Variants in OR51M1 observed in about 807,000 individuals in gnomAD.
OR51M1 encodes the protein olfactory receptor 51M1.
For missense variants in OR51M1, 509 were observed against 404.4 expected (o/e 1.26, Z -2.22); for synonymous variants, 199 against 155.1 (o/e 1.28, Z -2.10).
rs1176266529 is a variant in OR51M1 at position 5,392,465 on chromosome 11, T to A, written c.*2086T>A. ...ACTGAAGTCCCATTTTGCCTCTTAT[T>A]AACAAATAGACCACTGACATCTAAA... On this transcript the variant is annotated 3_prime_UTR_variant, in exon 3 of 3. Coordinates refer to ENST00000642046, the MANE Select transcript of OR51M1 (RefSeq NM_001004756.3). 6.6e-6 allele frequency: 1 copy of A among 152,230 alleles called. No homozygotes were observed. Among genetic ancestry groups the A allele is most frequent in the African/African-American group, 2.4e-5 (1 of 41,460 alleles). 9.4% of individuals were successfully genotyped at this position (152,230 alleles called of 1,614,324 possible). A position where few individuals can be genotyped will look rare whatever the true frequency, so the allele number is the denominator to read the frequency against.
chr11:5,390,117 T>C lies in OR51M1; in HGVS notation c.719T>C (p.Leu240Pro). Reference sequence around the variant, plus strand: ...CTCATCCTGCACACAGTAGCAGGCCTGGCCTCCCAAGAGGAGCAGCGCCGT... The same window carrying C: ...CTCATCCTGCACACAGTAGCAGGCCCGGCCTCCCAAGAGGAGCAGCGCCGT... Reference protein sequence around the residue: ...YGLILHTVAGLASQEEQRRAF... With the variant: ...YGLILHTVAGPASQEEQRRAF... Residue 240 changes from leucine to proline, a missense_variant, in exon 3 of 3, where the codon CTG becomes CCG. Leu to Pro is a moderately conservative substitution (Grantham distance 98). Coordinates refer to ENST00000642046, the MANE Select transcript of OR51M1 (RefSeq NM_001004756.3). 1 of 1,613,874 alleles carries C rather than the reference T, an allele frequency of 6.2e-7. No homozygotes were observed. Among genetic ancestry groups the C allele is most frequent in the Admixed American group, 1.7e-5 (1 of 60,026 alleles).
Position 5,391,194 on chromosome 11 carries a change from T to C in OR51M1, c.*815T>C, listed in dbSNP as rs1390554070. Reference sequence around the variant, plus strand: ...CCATTGCTCAGGAGGAAATAAACTTTACATTGGCTGATCAGCCTGTCCCTA... The same window carrying C: ...CCATTGCTCAGGAGGAAATAAACTTCACATTGGCTGATCAGCCTGTCCCTA... On this transcript the variant is annotated 3_prime_UTR_variant, in exon 3 of 3. Coordinates refer to ENST00000642046, the MANE Select transcript of OR51M1 (RefSeq NM_001004756.3). The C allele has an allele frequency of 1.3e-5, 2 of 152,250 alleles. No homozygotes were observed. The highest frequency in any genetic ancestry group is 2.9e-5 in the Non-Finnish European group (2 of 68,042). The allele number at this position is 152,250 out of a possible 1,614,324, so 9.4% of individuals were successfully genotyped here. A position where few individuals can be genotyped will look rare whatever the true frequency, so the allele number is the denominator to read the frequency against.
intron 2 of OR51M1, among the ~76,000 whole-genome samples, chr11:5,388,844 G>C (rs1207322285): frequency 6.6e-6 from 1 of 151,950 alleles, no homozygotes; most frequent in Non-Finnish European, 1.5e-5. Flanking sequence ...CAGACTTGAG[G>C]TATTCAGTAA....
intron 2 of OR51M1, among the ~76,000 whole-genome samples, chr11:5,387,376 TG>T (rs1372186302): frequency 6.6e-6 from 1 of 152,144 alleles, no homozygotes; most frequent in African/African-American, 2.4e-5. Context: ...TTTAGCTAAG[TG>T]GGTTTTAAAA....
At chr11:5,389,157 G>T (rs1464184628) in intron 2 of OR51M1, among the ~76,000 whole-genome samples, 1 of 152,122 alleles carries the variant, frequency 6.6e-6, no homozygotes, top group Non-Finnish European at 1.5e-5. Flanking sequence ...GAGCAATAAA[G>T]GCACACCAGC....
Position 5,390,005 on chromosome 11 carries a change from G to C in OR51M1, c.607G>C (p.Asp203His). ...GGAAGTGATACAGCTGGCCTGCACA[G>C]ATATCACCTTCAATAATCTGTATGG... ...HQEVIQLACT[D>H]ITFNNLYGLM... is the part of the protein sequence containing the mutation. Residue 203 changes from aspartate to histidine, a missense_variant, in exon 3 of 3, where the codon GAT (aspartate) becomes CAT (histidine). Coordinates refer to ENST00000642046, the MANE Select transcript of OR51M1 (RefSeq NM_001004756.3). 1 of 1,613,258 alleles carries C rather than the reference G, an allele frequency of 6.2e-7. No homozygotes were observed. Among genetic ancestry groups the C allele is most frequent in the Non-Finnish European group, 8.5e-7 (1 of 1,179,898 alleles).
At position 5,389,690 on chromosome 11, in the gene OR51M1, T is replaced by A; in HGVS notation, c.292T>A (p.Trp98Arg). 3 of 1,613,756 alleles carry A rather than the reference T, an allele frequency of 1.9e-6. No homozygotes were observed. Among genetic ancestry groups the A allele is most frequent in the Non-Finnish European group, 1.7e-6 (2 of 1,179,864 alleles). The change falls in exon 3 of 3, where the codon TGG becomes AGG. Residue 98 changes from tryptophan to arginine, a missense_variant. By Grantham distance (101) the Trp-to-Arg change is moderately radical. Coordinates refer to ENST00000642046, the MANE Select transcript of OR51M1 (RefSeq NM_001004756.3). ...GTTGCCCACCACTATGGGGATCTTC[T>A]GGTTTAACTCCCATAGTATCTACTT... ...STLPTTMGIF[W>R]FNSHSIYFGA... is the part of the protein sequence containing the mutation.
At chr11:5,384,541 C>T (rs1231531794) in intron 1 of OR51M1, among the ~76,000 whole-genome samples, 1 of 152,190 alleles carries the variant, frequency 6.6e-6, no homozygotes, top group Non-Finnish European at 1.5e-5. Flanking sequence ...CCTCACTCCC[C>T]TGATGAGTGC....
Position 5,389,720 on chromosome 11 carries a change from G to A in OR51M1, c.322G>A (p.Ala108Thr), listed in dbSNP as rs1424687554. 1 of 1,613,872 alleles carries A rather than the reference G, an allele frequency of 6.2e-7. No homozygotes were observed. The change falls in exon 3 of 3, where the codon GCG becomes ACG. Residue 108 changes from alanine (A) to threonine (T), a missense_variant. By Grantham distance (58) the Ala-to-Thr change is moderately conservative. Coordinates refer to ENST00000642046, the MANE Select transcript of OR51M1 (RefSeq NM_001004756.3). Reference protein sequence around the residue: ...WFNSHSIYFGACQIQMFCIHS... With the variant: ...WFNSHSIYFGTCQIQMFCIHS... ...TAACTCCCATAGTATCTACTTTGGA[G>A]CGTGTCAAATCCAGATGTTCTGCAT...
rs958813162 is a variant in OR51M1 at position 5,388,579 on chromosome 11, G to T, written c.-15-805G>T. On this transcript the variant is annotated intron_variant, in intron 2 of 2. Coordinates refer to ENST00000642046, the MANE Select transcript of OR51M1 (RefSeq NM_001004756.3). The stretch of plus-strand genomic sequence containing the variant: ...CTAGATAAACTGGAAGAATTGTTTA[G>T]TGTCATTAACACCGTGAATATACAG... Among the ~76,000 whole-genome samples, 7 of 148,732 alleles carry T rather than the reference G, an allele frequency of 4.7e-5. No homozygotes were observed. The Admixed American group carries it at 4.8e-4, about 10-fold the overall frequency.
At chr11:5,384,437 G>A (rs998178571) in intron 1 of OR51M1, among the ~76,000 whole-genome samples, 2 of 152,178 alleles carry the variant, frequency 1.3e-5, no homozygotes, top group African/African-American at 2.4e-5. Flanking sequence ...CAGAACCAGA[G>A]CCAGAGAAAG....
At position 5,390,756 on chromosome 11, in the gene OR51M1, C is replaced by T. The variant is rs1407004596; in HGVS notation, c.*377C>T. On this transcript the variant is annotated 3_prime_UTR_variant, in exon 3 of 3. Coordinates refer to ENST00000642046, the MANE Select transcript of OR51M1 (RefSeq NM_001004756.3). ...CAGGTAAATGCCATTTGCTCTAACT[C>T]ACCTCCGGAAATACACCTCCTTCCA... is the stretch of plus-strand genomic sequence containing the variant. The T allele has an allele frequency of 1.2e-5, 2 of 171,546 alleles. No homozygotes were observed. Among genetic ancestry groups the T allele is most frequent in the African/African-American group, 2.4e-5 (1 of 41,974 alleles). 10.6% of individuals were successfully genotyped at this position (171,546 alleles called of 1,614,324 possible). A position where few individuals can be genotyped will look rare whatever the true frequency, so the allele number is the denominator to read the frequency against.
chr11:5,391,257 T>C lies in OR51M1; in HGVS notation c.*878T>C, dbSNP rs1274851265. On this transcript the variant is annotated 3_prime_UTR_variant, in exon 3 of 3. Transcript: ENST00000642046. ...TGCAATCCTTGCAGGGGTCTCAGCT[T>C]TGAAATTGCTTCCTCAAGGACATTT... The C allele has an allele frequency of 6.6e-6, 1 of 152,218 alleles. No individual in the cohort carries two copies. Among genetic ancestry groups the C allele is most frequent in the Non-Finnish European group, 1.5e-5 (1 of 68,032 alleles). 9.4% of individuals were successfully genotyped at this position (152,218 alleles called of 1,614,324 possible).
At chr11:5,387,759 T>C (rs1374804035) in intron 2 of OR51M1, among the ~76,000 whole-genome samples, 1 of 152,056 alleles carries the variant, frequency 6.6e-6, no homozygotes, top group Non-Finnish European at 1.5e-5. Context: ...AGCCACACAC[T>C]TGCCCTCTGA....
At chr11:5,385,741 G>A (rs956516523) in intron 2 of OR51M1, among the ~76,000 whole-genome samples, 8 of 140,544 alleles carry the variant, frequency 5.7e-5, no homozygotes, top group African/African-American at 2.1e-4. Context: ...TAATATTTTT[G>A]TATATTTGTT....
In OR51M1 at chr11:5,391,743, G is replaced by A. The variant is rs1421018467; in HGVS notation, c.*1364G>A. ...TTCTCCTACAGGTTAAAATTACCAT[G>A]AGGCCAGGCACGGTGGCTTATGCTA... On this transcript the variant is annotated 3_prime_UTR_variant, in exon 3 of 3. Transcript: ENST00000642046. The A allele has an allele frequency of 6.8e-6, 1 of 146,000 alleles. No homozygotes were observed. Among genetic ancestry groups the A allele is most frequent in the African/African-American group, 2.6e-5 (1 of 39,102 alleles). 9.0% of individuals were successfully genotyped at this position (146,000 alleles called of 1,614,324 possible). A position where few individuals can be genotyped will look rare whatever the true frequency, so the allele number is the denominator to read the frequency against.
At chr11:5,386,159 G>C (rs1849692790) in intron 2 of OR51M1, among the ~76,000 whole-genome samples, 1 of 151,936 alleles carries the variant, frequency 6.6e-6, no homozygotes, top group Non-Finnish European at 1.5e-5. Context: ...AAACAGGGGT[G>C]GTTTTTGCCA....
At chr11:5,387,809 T>G (rs1849722146) in intron 2 of OR51M1, among the ~76,000 whole-genome samples, 1 of 152,196 alleles carries the variant, frequency 6.6e-6, no homozygotes, top group Non-Finnish European at 1.5e-5. Context: ...CAGAGAGGTC[T>G]TCTCTGACTA....
chr11:5,387,768 G>A (rs1020006476), intron 2 of OR51M1, among the ~76,000 whole-genome samples: 1 of 151,984 alleles, frequency 6.6e-6, no homozygotes, highest in African/African-American at 2.4e-5. Context: ...CTTGCCCTCT[G>A]ATTTTGATTT....
Sources: allele counts gnomAD v4.1 joint callset (sites outside exome capture counted in the v4.1 genomes callset), GRCh38; gene constraint gnomAD v4.1.1; transcripts MANE v1.5; gene names NCBI Gene and HGNC (gene_info 2026-07-23, HGNC 2026-07-21).